Variants in TRPV3 observed in about 807,000 individuals in gnomAD.
TRPV3 encodes the protein transient receptor potential cation channel subfamily V member 3.
Under a neutral mutation model 87.1 loss-of-function variants are expected in TRPV3, and 88 were observed. The observed-to-expected ratio is 1.01, with a 90% CI of 0.85 to 1.21. TRPV3 has a LOEUF of 1.21. TRPV3 is among the 50% of genes most tolerant of loss of function. TRPV3 has a pLI of 0.00. For synonymous variants in TRPV3, 438 were observed against 423.3 expected, an observed-to-expected ratio of 1.03 and a Z score of -0.43; for missense variants, 1,054 against 1,030.1, an observed-to-expected ratio of 1.02 and a Z score of -0.32.
At chr17:3,514,706 C>G (rs1462558283) in intron 16 of TRPV3, 34 bp from the exon 17 acceptor site, 2 of 1,518,962 alleles carry the variant, frequency 1.3e-6, no homozygotes, top group Non-Finnish European at 1.8e-6. Flanking sequence ...ACTATTTCAC[C>G]AGTGCCTCAC....
At chr17:3,523,289 A>G (rs1215453872) in intron 13 of TRPV3, among the ~76,000 whole-genome samples, 1 of 152,248 alleles carries the variant, frequency 6.6e-6, no homozygotes, top group African/African-American at 2.4e-5. Context: ...ATAAACAAGT[A>G]AAGTTCAACA....
intron 12 of TRPV3, among the ~76,000 whole-genome samples, chr17:3,525,145 T>G (rs372580715): frequency 1.5e-4 from 23 of 151,510 alleles, no homozygotes; most frequent in Middle Eastern, 3.4e-3. Flanking sequence ...TCAGCCTCCC[T>G]AGTAGCTGGG....
chr17:3,548,117 G>A (rs73319033), intron 2 of TRPV3, among the ~76,000 whole-genome samples: 10,675 of 152,192 alleles, frequency 0.07, 1,168 homozygotes, highest in African/African-American at 0.23. Context: ...GGCCTCTCCA[G>A]GCACACGGGG....
At chr17:3,537,288 T>C (rs2074416559) in intron 6 of TRPV3, among the ~76,000 whole-genome samples, 1 of 152,194 alleles carries the variant, frequency 6.6e-6, no homozygotes, top group Admixed American at 6.6e-5. Context: ...AGAAATGCTC[T>C]AAGACATACA....
Position 3,530,342 on chromosome 17 carries a change from A to G in TRPV3, c.1066-139T>C, listed in dbSNP as rs1187367792. On this transcript the variant is annotated intron_variant, in intron 8 of 17. Transcript: ENST00000576742. The surrounding 1 kb of genome is among the most constrained non-coding windows in gnomAD (Gnocchi z 4.0). ...GAGACCTGCCTCTGCGCCTGGCGCC[A>G]TGGCCCCTGGGCCCCGTCTTTATCT... 8.9e-6 allele frequency: 7 copies of G among 786,822 alleles called. No homozygotes were observed. The highest frequency in any genetic ancestry group is 1.4e-5 in the Non-Finnish European group (7 of 511,602). 48.7% of individuals were successfully genotyped at this position (786,822 alleles called of 1,614,324 possible).
At position 3,518,849 on chromosome 17, in the gene TRPV3, G is replaced by A. The variant is rs1383125748; in HGVS notation, c.1812C>T (p.Ala604=). ...GACACTTCTCGATCAGCGAGGCCAA[G>A]GCTAAGGGAACATAACAGGGTGCTC... ...YIVFLLGFGV[A]LASLIEKCPK... Residue 604 remains alanine, a splice_region_variant and synonymous_variant, in exon 15 of 18, where the codon GCC becomes GCT. Transcript: ENST00000576742. This position sits in a 1 kb window ranked among gnomAD's most constrained non-coding sequence, Gnocchi z 4.3. 2 of 1,612,530 alleles carry A rather than the reference G, an allele frequency of 1.2e-6. No homozygotes were observed. Among genetic ancestry groups the A allele is most frequent in the Non-Finnish European group, 8.5e-7 (1 of 1,179,044 alleles).
At chr17:3,547,673 G>T (rs1165025830) in intron 2 of TRPV3, among the ~76,000 whole-genome samples, 1 of 152,096 alleles carries the variant, frequency 6.6e-6, no homozygotes, top group African/African-American at 2.4e-5. Context: ...AGAGGACAGG[G>T]CTGGGAATTC....
At chr17:3,531,187 C>G (rs1040299243) in intron 8 of TRPV3, among the ~76,000 whole-genome samples, 2 of 152,196 alleles carry the variant, frequency 1.3e-5, no homozygotes, top group African/African-American at 4.8e-5. Flanking sequence ...CTCCAAAGTG[C>G]AGGCTGGACA....
chr17:3,550,304 G>T (rs967157117), intron 2 of TRPV3, among the ~76,000 whole-genome samples: 2 of 151,926 alleles, frequency 1.3e-5, no homozygotes, highest in African/African-American at 4.8e-5. Flanking sequence ...CCTACTCAAG[G>T]CCTTCTCCCA....
intron 8 of TRPV3, among the ~76,000 whole-genome samples, 161 bp downstream of exon 8, chr17:3,532,496 T>G (rs974363358): frequency 6.6e-6 from 1 of 152,204 alleles, no homozygotes; most frequent in Non-Finnish European, 1.5e-5. Flanking sequence ...CAAACCTGCC[T>G]CCGGCCGCCA....
chr17:3,539,347 T>TA (rs1489781520), intron 6 of TRPV3, among the ~76,000 whole-genome samples: 1 of 152,002 alleles, frequency 6.6e-6, no homozygotes. Context: ...AATGAAACTC[T>TA]ATTCATGTGA....
At chr17:3,527,975 C>T (rs2074314622) in intron 11 of TRPV3, 50 bp downstream of exon 11, 1 of 1,447,438 alleles carries the variant, frequency 6.9e-7, no homozygotes, top group Non-Finnish European at 9.7e-7. Flanking sequence ...TGGAGGCTGT[C>T]ACCTGCCTGC....
Position 3,527,500 on chromosome 17 carries a change from G to A in TRPV3, c.1503+525C>T, listed in dbSNP as rs541430591. Among the ~76,000 whole-genome samples the A allele has an allele frequency of 2.6e-5, 4 of 152,216 alleles. No individual in the cohort carries two copies. In the East Asian group the frequency reaches 7.7e-4, roughly 29 times the overall value. ...CCAACCAGGCTGTGAATTCAAAGAG[G>A]GCAAACTCGTCCCAACCCTGTCACC... On this transcript the variant is annotated intron_variant, in intron 11 of 17. Coordinates refer to ENST00000576742, the MANE Select transcript of TRPV3 (RefSeq NM_145068.4).
At chr17:3,550,513 G>A (rs565177413) in intron 2 of TRPV3, among the ~76,000 whole-genome samples, 39 of 142,418 alleles carry the variant, frequency 2.7e-4, no homozygotes, top group African/African-American at 9.9e-4. Context: ...TCATTTTCCT[G>A]CCTGCTCTTT....
Position 3,513,854 on chromosome 17 carries a change from G to T in TRPV3, c.*63C>A. On this transcript the variant is annotated 3_prime_UTR_variant, in exon 18 of 18. Transcript: ENST00000576742. ...CCATCCCTCAAAGCCTCTCTGCACA[G>T]AGTCGGTGACTCCGCCTGCAGCGCC... The T allele has an allele frequency of 7.1e-7, 1 of 1,404,966 alleles. No individual in the cohort carries two copies. Among genetic ancestry groups the T allele is most frequent in the Non-Finnish European group, 1.0e-6 (1 of 993,912 alleles). The allele number at this position is 1,404,966 out of a possible 1,614,324, so 87.0% of individuals were successfully genotyped here.
chr17:3,531,862 A>G (rs2074351732), intron 8 of TRPV3, among the ~76,000 whole-genome samples: 1 of 152,208 alleles, frequency 6.6e-6, no homozygotes, highest in South Asian at 2.1e-4. Context: ...CACTTGGGAC[A>G]GGACCAAGGC....
intron 4 of TRPV3, among the ~76,000 whole-genome samples, chr17:3,544,155 T>C (rs1295874889): frequency 3.3e-5 from 5 of 152,364 alleles, no homozygotes; most frequent in East Asian, 3.9e-4. Flanking sequence ...ATTACAGGCA[T>C]GCGCCACCAC....
intron 6 of TRPV3, among the ~76,000 whole-genome samples, chr17:3,541,191 C>A (rs1251110290): frequency 6.6e-6 from 1 of 152,076 alleles, no homozygotes; most frequent in Non-Finnish European, 1.5e-5. Context: ...AATGGTGAAA[C>A]CCCGTCTCTA....
chr17:3,547,727 G>A (rs370246111), intron 2 of TRPV3, among the ~76,000 whole-genome samples: 2 of 152,182 alleles, frequency 1.3e-5, no homozygotes, highest in Non-Finnish European at 2.9e-5. Context: ...GGGGGGCAGC[G>A]GAGGGGAGGG....
Sources: allele counts gnomAD v4.1 joint callset (sites outside exome capture counted in the v4.1 genomes callset), GRCh38; gene constraint gnomAD v4.1.1; non-coding constraint Gnocchi (gnomAD v3.1); transcripts MANE v1.5; gene names NCBI Gene and HGNC (gene_info 2026-07-23, HGNC 2026-07-21).